PTPRN2: variants seen among roughly 807,000 people sequenced by gnomAD.
PTPRN2 encodes the protein receptor-type tyrosine-protein phosphatase N2.
In PTPRN2, 74 loss-of-function variants were observed where a neutral mutation model predicts 118.8. The ratio of observed to expected loss-of-function variants is 0.62; its 90% confidence interval spans 0.52 to 0.76. The LOEUF (loss-of-function observed/expected upper bound fraction) is 0.76, where lower values mean the gene tolerates loss of function less well. PTPRN2 is among the 30% of genes least tolerant of loss of function. The pLI is 0.00. For synonymous variants in PTPRN2, 641 were observed against 608.0 expected (o/e 1.05, Z -0.80); for missense variants, 1,481 against 1,394.4 (o/e 1.06, Z -0.99).
At chr7:158,469,754 A>G (rs1819705829) in intron 2 of PTPRN2, among the ~76,000 whole-genome samples, 1 of 151,208 alleles carries the variant, frequency 6.6e-6, no homozygotes, top group Non-Finnish European at 1.5e-5. Flanking sequence ...AAAAAAAAAA[A>G]TGCAAAGAAT....
chr7:158,284,014 C>T (rs1799607098), intron 3 of PTPRN2, among the ~76,000 whole-genome samples: 1 of 152,216 alleles, frequency 6.6e-6, no homozygotes, highest in African/African-American at 2.4e-5. Flanking sequence ...TAATCAATCA[C>T]ACGTTTAAGA....
chr7:158,119,842 G>C (rs1817013196), intron 9 of PTPRN2, among the ~76,000 whole-genome samples: 1 of 152,068 alleles, frequency 6.6e-6, no homozygotes, highest in Non-Finnish European at 1.5e-5. Context: ...CCTTAGATAA[G>C]GGGGAGACTA....
chr7:157,936,664 T>C (rs78818048), intron 11 of PTPRN2, among the ~76,000 whole-genome samples: 3,925 of 80,224 alleles, frequency 0.049, 101 homozygotes, highest in Middle Eastern at 0.074. Flanking sequence ...CCCGTGTCTC[T>C]TCCACTCGGA....
At chr7:158,518,805 C>T (rs1003995847) in intron 1 of PTPRN2, among the ~76,000 whole-genome samples, 5 of 152,004 alleles carry the variant, frequency 3.3e-5, no homozygotes, top group African/African-American at 1.2e-4. Context: ...GGCAACATGG[C>T]GAAACCCCGT....
In PTPRN2 at chr7:157,765,130, CCCAT is replaced by C. The variant is rs543360684; in HGVS notation, c.1789-82197_1789-82194del. On this transcript the variant is annotated intron_variant, in intron 12 of 22. Coordinates refer to ENST00000389418, the MANE Select transcript of PTPRN2 (RefSeq NM_002847.5). ...CCTTCCCCCATCCATCCACTCACTC[CCCAT>C]CCATCCTTCATCCATCCATCCATCC... Among the ~76,000 whole-genome samples the C allele has an allele frequency of 3.7e-4, 55 of 149,858 alleles. 1 individual carries two copies. Among genetic ancestry groups the C allele is most frequent in the African/African-American group, 1.2e-3 (48 of 40,744 alleles).
intron 2 of PTPRN2, among the ~76,000 whole-genome samples, chr7:158,388,159 G>T (rs1312473406): frequency 6.6e-6 from 1 of 152,028 alleles, no homozygotes; most frequent in Non-Finnish European, 1.5e-5. Context: ...GCAGGTCTCG[G>T]CAAGGAGCAC....
At chr7:157,723,994 G>A (rs10279251) in intron 12 of PTPRN2, among the ~76,000 whole-genome samples, 8,095 of 151,936 alleles carry the variant, frequency 0.053, 381 homozygotes, top group East Asian at 0.13. Flanking sequence ...GGCTTCCCCC[G>A]TCTGAATCGC....
intron 3 of PTPRN2, among the ~76,000 whole-genome samples, chr7:158,311,849 A>C (rs1486480025): frequency 6.8e-6 from 1 of 146,670 alleles, no homozygotes; most frequent in East Asian, 2.1e-4. Context: ...ACCTGCACAC[A>C]CACTCACATG....
intron 1 of PTPRN2, among the ~76,000 whole-genome samples, chr7:158,535,208 C>G (rs1482039009): frequency 2.0e-5 from 3 of 152,180 alleles, no homozygotes; most frequent in African/African-American, 7.2e-5. Context: ...CTTCCACAAT[C>G]TGGTCGAAGA....
At chr7:158,044,473 G>A (rs867978975) in intron 11 of PTPRN2, among the ~76,000 whole-genome samples, 3 of 152,328 alleles carry the variant, frequency 2.0e-5, no homozygotes, top group Middle Eastern at 3.4e-3. Context: ...AAATGGGAAC[G>A]TGTTGGAGCT....
At position 158,026,593 on chromosome 7, in the gene PTPRN2, A is replaced by C. The variant is rs532032274; in HGVS notation, c.1723+54705T>G. Among the ~76,000 whole-genome samples the C allele has an allele frequency of 2.7e-3, 416 of 152,342 alleles. 2 individuals are homozygous for C. Among genetic ancestry groups the C allele is most frequent in the African/African-American group, 9.7e-3 (402 of 41,574 alleles). ...ATAATCATACACTAAAACAACTTTT[A>C]CCAATTAAAGACAAAACCGAGACCC... On this transcript the variant is annotated intron_variant, in intron 11 of 22. Transcript: ENST00000389418.
intron 11 of PTPRN2, among the ~76,000 whole-genome samples, chr7:157,955,509 C>G (rs1205041748): frequency 6.6e-6 from 1 of 152,144 alleles, no homozygotes; most frequent in Admixed American, 6.5e-5. Flanking sequence ...GCACCGCAGG[C>G]CCATCACAGA....
intron 12 of PTPRN2, among the ~76,000 whole-genome samples, chr7:157,705,079 G>A (rs1253101938): frequency 2.6e-5 from 4 of 152,206 alleles, no homozygotes; most frequent in African/African-American, 9.7e-5. Flanking sequence ...GGCCCAGGGG[G>A]CGGATCACGA....
intron 20 of PTPRN2, among the ~76,000 whole-genome samples, chr7:157,570,745 T>A (rs376163417): frequency 2.0e-5 from 3 of 152,308 alleles, no homozygotes; most frequent in East Asian, 3.9e-4. Context: ...TCCCTGTACA[T>A]AACTGGCCCC....
intron 3 of PTPRN2, among the ~76,000 whole-genome samples, chr7:158,316,101 G>A (rs1802299886): frequency 6.6e-6 from 1 of 152,252 alleles, no homozygotes; most frequent in African/African-American, 2.4e-5. Context: ...TGATCAGCCA[G>A]CCGCCGGGGG....
rs1350988361 is a variant in PTPRN2, at chr7:157,690,088, G to A, written c.1789-7151C>T. Among the ~76,000 whole-genome samples the A allele has an allele frequency of 6.6e-6, 1 of 152,206 alleles. No homozygotes were observed. Among genetic ancestry groups the A allele is most frequent in the African/African-American group, 2.4e-5 (1 of 41,462 alleles). On this transcript the variant is annotated intron_variant, in intron 12 of 22. Coordinates refer to ENST00000389418, the MANE Select transcript of PTPRN2 (RefSeq NM_002847.5). This position sits in a 1 kb window ranked among gnomAD's most constrained non-coding sequence, Gnocchi z 7.1. Reference sequence around the variant, plus strand: ...AACTGCAGGGAGTGGGGAGCAACGCGAAAGGCCGAGAGAAGAGCGCTGGGG... The same window carrying A: ...AACTGCAGGGAGTGGGGAGCAACGCAAAAGGCCGAGAGAAGAGCGCTGGGG...
In PTPRN2 at chr7:158,316,124, G is replaced by A. The variant is rs115007546; in HGVS notation, c.277+695C>T. Among the ~76,000 whole-genome samples, 824 of 152,296 alleles carry A rather than the reference G, an allele frequency of 5.4e-3. 5 individuals are homozygous for A. Among genetic ancestry groups the A allele is most frequent in the African/African-American group, 0.018 (733 of 41,566 alleles). On this transcript the variant is annotated intron_variant, in intron 3 of 22. Transcript: ENST00000389418. ...CAGCCGCCGGGGGGCAGGTGGTTCC[G>A]CAGGCAGCTTCCCCTGTGGAAGGGG...
intron 11 of PTPRN2, among the ~76,000 whole-genome samples, chr7:157,923,058 C>T (rs1275661482): frequency 2.0e-5 from 3 of 152,174 alleles, no homozygotes; most frequent in African/African-American, 7.2e-5. Flanking sequence ...TATTTGTAAC[C>T]AGTGTTTAAT....
At chr7:158,149,141 CGT>C (rs1820605102) in intron 6 of PTPRN2, among the ~76,000 whole-genome samples, 2 of 146,810 alleles carry the variant, frequency 1.4e-5, no homozygotes, top group African/African-American at 2.5e-5. Context: ...TCTCACGCCA[CGT>C]GTCTTTCCCC....
Sources: allele counts gnomAD v4.1 joint callset (sites outside exome capture counted in the v4.1 genomes callset), GRCh38; gene constraint gnomAD v4.1.1; non-coding constraint Gnocchi (gnomAD v3.1); transcripts MANE v1.5; gene names NCBI Gene and HGNC (gene_info 2026-07-23, HGNC 2026-07-21).